Variants in TMTC2 observed in about 807,000 individuals in gnomAD.
TMTC2 encodes protein O-mannosyl-transferase TMTC2.
In TMTC2, 43 loss-of-function variants were observed where a neutral mutation model predicts 82.4. That is an observed-to-expected ratio of 0.52 (90% CI 0.41 to 0.67). The LOEUF (loss-of-function observed/expected upper bound fraction) is 0.67, where lower values mean the gene tolerates loss of function less well. Ranked by LOEUF, TMTC2 falls within the 30% of genes least tolerant of loss-of-function variation. The probability of loss-of-function intolerance (pLI) is 0.00; values close to 1 mark genes in which losing one functional copy is unlikely to be tolerated. For missense variants in TMTC2, 919 were observed against 1,012.4 expected (o/e 0.91, Z 1.25); for synonymous variants, 408 against 381.9 (o/e 1.07, Z -0.80).
rs183314437 is a variant in TMTC2 at position 83,039,092 on chromosome 12, C to T, written c.2152+8213C>T. Among the ~76,000 whole-genome samples, 910 of 152,016 alleles carry T rather than the reference C, an allele frequency of 6.0e-3. 10 individuals are homozygous for T. Among genetic ancestry groups the T allele is most frequent in the African/African-American group, 0.021 (855 of 41,456 alleles). ...TATTATAGGCACCCGCCACCATGCC[C>T]GGCTAATTTTTGTATTTTTAGTAGA... On this transcript the variant is annotated intron_variant, in intron 9 of 11. Coordinates refer to ENST00000321196, the MANE Select transcript of TMTC2 (RefSeq NM_152588.3).
intron 1 of TMTC2, among the ~76,000 whole-genome samples, chr12:82,813,309 C>A (rs780804668): frequency 6.6e-6 from 1 of 152,060 alleles, no homozygotes; most frequent in Non-Finnish European, 1.5e-5. Flanking sequence ...AAATGTTCTT[C>A]CTTTTACATT....
chr12:82,872,005 A>AC (rs61305687), intron 2 of TMTC2, among the ~76,000 whole-genome samples: 4,033 of 95,308 alleles, frequency 0.042, 134 homozygotes, highest in East Asian at 0.1. Context: ...GTTGAACAAC[A>AC]CCCCCCCCCC....
intron 8 of TMTC2, 21 bp downstream of exon 8, chr12:82,986,067 G>A (rs749156162): frequency 1.9e-6 from 3 of 1,613,752 alleles, no homozygotes; most frequent in Non-Finnish European, 1.7e-6. Context: ...GCCTTCCTTG[G>A]TCTTTAAAAC....
At chr12:82,688,694 A>G (rs1411174834) in intron 1 of TMTC2, among the ~76,000 whole-genome samples, 1 of 152,218 alleles carries the variant, frequency 6.6e-6, no homozygotes, top group Non-Finnish European at 1.5e-5. Context: ...CATTGAAATT[A>G]AACCATCCAA....
At chr12:82,714,336 G>A (rs1256634099) in intron 1 of TMTC2, among the ~76,000 whole-genome samples, 1 of 152,136 alleles carries the variant, frequency 6.6e-6, no homozygotes, top group African/African-American at 2.4e-5. Context: ...TTGTAAAAAA[G>A]TAAAAGGATT....
intron 1 of TMTC2, among the ~76,000 whole-genome samples, chr12:82,775,536 G>A (rs1877547787): frequency 1.3e-5 from 2 of 152,012 alleles, no homozygotes; most frequent in African/African-American, 4.8e-5. Context: ...GAAACTATGT[G>A]AGACATGCAA....
intron 1 of TMTC2, among the ~76,000 whole-genome samples, chr12:82,782,297 TTATC>T (rs1475074568): frequency 6.6e-6 from 1 of 152,126 alleles, no homozygotes; most frequent in African/African-American, 2.4e-5. Context: ...TATATTATGT[TTATC>T]TACTGTTTGA....
At chr12:83,005,350 G>A (rs1484993) in intron 8 of TMTC2, among the ~76,000 whole-genome samples, 44 of 144,588 alleles carry the variant, frequency 3.0e-4, no homozygotes, top group South Asian at 8.5e-4. Context: ...AAAAAAAAAA[G>A]AGTAATGGCT....
chr12:82,980,706 G>A (rs986361705), intron 7 of TMTC2, among the ~76,000 whole-genome samples: 3 of 151,790 alleles, frequency 2.0e-5, no homozygotes, highest in Admixed American at 1.3e-4. Context: ...GTTCTAAAAC[G>A]TGTATAATTT....
At chr12:82,869,026 T>G (rs1247370386) in intron 2 of TMTC2, among the ~76,000 whole-genome samples, 4 of 152,208 alleles carry the variant, frequency 2.6e-5, no homozygotes, top group Non-Finnish European at 5.9e-5. Context: ...TCTTGGTAAC[T>G]TTGGCTTACT....
intron 11 of TMTC2, among the ~76,000 whole-genome samples, chr12:83,118,894 C>T (rs117347580): frequency 0.022 from 3,349 of 152,166 alleles, 58 homozygotes; most frequent in South Asian, 0.035. Context: ...AGAGCTGTAT[C>T]TTTCCAGGAA....
intron 1 of TMTC2, among the ~76,000 whole-genome samples, chr12:82,821,289 T>C (rs1006142499): frequency 6.6e-6 from 1 of 152,226 alleles, no homozygotes; most frequent in African/African-American, 2.4e-5. Flanking sequence ...TTTTATGCCA[T>C]AAGCATCTCA....
chr12:82,970,087 C>T (rs1227416559), intron 7 of TMTC2, among the ~76,000 whole-genome samples: 4 of 152,162 alleles, frequency 2.6e-5, no homozygotes, highest in African/African-American at 9.7e-5. Flanking sequence ...TTGAGATTCA[C>T]CATAAGGTAG....
At chr12:83,006,062 C>T (rs1263747660) in intron 8 of TMTC2, among the ~76,000 whole-genome samples, 1 of 152,170 alleles carries the variant, frequency 6.6e-6, no homozygotes, top group Non-Finnish European at 1.5e-5. Context: ...GCTCAACTGT[C>T]TGTAGGGGTG....
At chr12:82,716,708 A>G (rs1027765345) in intron 1 of TMTC2, among the ~76,000 whole-genome samples, 2 of 152,164 alleles carry the variant, frequency 1.3e-5, no homozygotes, top group Non-Finnish European at 2.9e-5. Context: ...AGGGGTGGAC[A>G]TACTATCAGG....
chr12:82,759,534 C>G (rs1008674463), intron 1 of TMTC2: 3 of 152,190 alleles, frequency 2.0e-5, no homozygotes, highest in Admixed American at 6.5e-5. Flanking sequence ...TAGTAACTCT[C>G]TGATGTGATT....
rs58427886 is a variant in TMTC2 at position 82,752,147 on chromosome 12, C to CATTTTTTTT, written c.83+64478_83+64479insATTTTTTTT. Among the ~76,000 whole-genome samples the CATTTTTTTT allele has an allele frequency of 3.6e-5, 5 of 137,928 alleles. 2 individuals carry two copies. 90.5% of individuals were successfully genotyped at this position (137,928 alleles called of 152,430 possible). The stretch of plus-strand genomic sequence containing the variant: ...ATGTTTTTATATTTATTGGAAGCTC[C>CATTTTTTTT]TTTTTTTTTTTTTTTTTTTCTGAAG... On this transcript the variant is annotated intron_variant, in intron 1 of 11. Transcript: ENST00000321196.
intron 3 of TMTC2, among the ~76,000 whole-genome samples, chr12:82,906,637 C>A (rs967655838): frequency 2.0e-5 from 3 of 152,052 alleles, no homozygotes; most frequent in Non-Finnish European, 2.9e-5. Flanking sequence ...TGCAGTGAGC[C>A]GAGATCGTGC....
At chr12:82,906,561 C>T (rs1016653635) in intron 3 of TMTC2, among the ~76,000 whole-genome samples, 4 of 151,854 alleles carry the variant, frequency 2.6e-5, no homozygotes, top group East Asian at 2.0e-4. Context: ...CTGAGGCAGG[C>T]GCCTCCTGCC....
Sources: gnomAD v4.1 joint callset for allele counts (sites outside exome capture counted in the v4.1 genomes callset) on GRCh38, gnomAD v4.1.1 for gene constraint, MANE v1.5 for transcripts, NCBI Gene and HGNC (gene_info 2026-07-23, HGNC 2026-07-21) for gene names.